Variants in NOL4L observed in about 807,000 individuals in gnomAD.
NOL4L encodes the protein nucleolar protein 4 like.
A neutral mutation model predicts 64.5 loss-of-function variants in NOL4L; 7 were observed. That is an observed-to-expected ratio of 0.11 (90% CI 0.06 to 0.20). The LOEUF (loss-of-function observed/expected upper bound fraction) is 0.20, where lower values mean the gene tolerates loss of function less well. Among genes scored for constraint, NOL4L ranks in the 10% least tolerant of loss-of-function variants. NOL4L has a pLI of 1.00. For missense variants in NOL4L, 680 were observed against 967.1 expected (o/e 0.70, Z 3.94); for synonymous variants, 413 against 401.0 (o/e 1.03, Z -0.36).
intron 4 of NOL4L, among the ~76,000 whole-genome samples, chr20:32,500,838 C>T (rs2145537072): frequency 6.6e-6 from 1 of 152,226 alleles, no homozygotes; most frequent in East Asian, 1.9e-4. Flanking sequence ...AAAGCTAGAA[C>T]AATTTGTACA....
In NOL4L at chr20:32,494,252, G is replaced by GAAAAA. The variant is rs1568654908; in HGVS notation, c.699+17094_699+17095insTTTTT. Among the ~76,000 whole-genome samples the GAAAAA allele has an allele frequency of 4.4e-4, 12 of 27,096 alleles. 2 individuals are homozygous for GAAAAA. Among genetic ancestry groups the GAAAAA allele is most frequent in the African/African-American group, 1.7e-3 (11 of 6,484 alleles). 17.8% of individuals were successfully genotyped at this position (27,096 alleles called of 152,430 possible). On this transcript the variant is annotated intron_variant, in intron 4 of 10. Coordinates refer to ENST00000621426, the MANE Select transcript of NOL4L (RefSeq NM_001256798.2). Reference sequence around the variant, plus strand: ...TGGGCCACAGAGTGAGATAATCTCGGGAAAAAAAAAAAAAAAAAAAAAAAA... The same window carrying GAAAAA: ...TGGGCCACAGAGTGAGATAATCTCGGAAAAAGAAAAAAAAAAAAAAAAAAAAAAAA...
chr20:32,578,411 A>G (rs1351675244), intron 1 of NOL4L, among the ~76,000 whole-genome samples: 1 of 151,952 alleles, frequency 6.6e-6, no homozygotes, highest in Non-Finnish European at 1.5e-5. Flanking sequence ...TTTGAGACAG[A>G]GTCTCCCTCT....
chr20:32,520,962 G>T, intron 2 of NOL4L, 40 bp from the exon 3 acceptor site: 2 of 1,427,754 alleles, frequency 1.4e-6, no homozygotes, highest in Non-Finnish European at 9.6e-7. Context: ...ATGGATCTGT[G>T]GGGAGGCAAC....
intron 3 of NOL4L, among the ~76,000 whole-genome samples, chr20:32,514,881 T>C (rs1208317341): frequency 2.6e-5 from 4 of 151,954 alleles, no homozygotes; most frequent in Admixed American, 6.6e-5. Flanking sequence ...TTAAGCACCA[T>C]GGTGAGTGTG....
chr20:32,501,214 A>G (rs749613873), intron 4 of NOL4L, among the ~76,000 whole-genome samples: 2 of 152,206 alleles, frequency 1.3e-5, no homozygotes, highest in Non-Finnish European at 2.9e-5. Flanking sequence ...GATGAAAATG[A>G]CACTCCATGT....
At chr20:32,499,580 A>T (rs2016834248) in intron 4 of NOL4L, among the ~76,000 whole-genome samples, 2 of 151,938 alleles carry the variant, frequency 1.3e-5, no homozygotes, top group Non-Finnish European at 2.9e-5. Flanking sequence ...CTCTACTAAA[A>T]ATGCAAAAAT....
At chr20:32,511,642 A>AT (rs113276427) in intron 3 of NOL4L, among the ~76,000 whole-genome samples, 186 bp from the exon 4 acceptor site, 47 of 150,516 alleles carry the variant, frequency 3.1e-4, no homozygotes, top group African/African-American at 5.4e-4. Flanking sequence ...TGTCAAAAAT[A>AT]TTTTTTTTTT....
At chr20:32,536,104 G>C in intron 1 of NOL4L, 3 of 985,642 alleles carry the variant, frequency 3.0e-6, no homozygotes, top group Non-Finnish European at 3.6e-6. Context: ...CCACCTCATA[G>C]GAAGTGTGTG....
intron 1 of NOL4L, among the ~76,000 whole-genome samples, chr20:32,557,024 C>T (rs1978698716): frequency 6.6e-6 from 1 of 152,176 alleles, no homozygotes; most frequent in Admixed American, 6.5e-5. Context: ...TGATCTCAGC[C>T]AAGGAACTCC....
chr20:32,501,146 C>T (rs1255378555), intron 4 of NOL4L, among the ~76,000 whole-genome samples: 1 of 152,180 alleles, frequency 6.6e-6, no homozygotes, highest in Non-Finnish European at 1.5e-5. Flanking sequence ...CAGGTGTGAT[C>T]AAGGCCAATG....
chr20:32,448,000 C>T (rs1568585408), intron 10 of NOL4L, among the ~76,000 whole-genome samples, 184 bp from the exon 11 acceptor site: 3 of 152,152 alleles, frequency 2.0e-5, no homozygotes, highest in Admixed American at 6.5e-5. Flanking sequence ...GGCCTGCGGG[C>T]GACAGGGTTC....
At chr20:32,478,056 C>T (rs974647862) in intron 4 of NOL4L, among the ~76,000 whole-genome samples, 25 of 152,188 alleles carry the variant, frequency 1.6e-4, no homozygotes, top group South Asian at 2.1e-4. Context: ...CCCAGGGGCA[C>T]GAAGCCAGCA....
chr20:32,451,975 C>T (rs2012957890), intron 10 of NOL4L, among the ~76,000 whole-genome samples: 1 of 152,218 alleles, frequency 6.6e-6, no homozygotes, highest in African/African-American at 2.4e-5. Flanking sequence ...AGTGTTGGAG[C>T]AAGCGTCACT....
chr20:32,450,552 G>C (rs2012785921), intron 10 of NOL4L: 1 of 152,340 alleles, frequency 6.6e-6, no homozygotes, highest in Admixed American at 6.5e-5. Flanking sequence ...TCATTCTCTG[G>C]CTGCTGTTTG....
intron 4 of NOL4L, chr20:32,486,915 C>T (rs2016112177): frequency 2.6e-6 from 1 of 380,698 alleles, no homozygotes; most frequent in South Asian, 2.0e-5. Context: ...CACAACACAA[C>T]AGTCTTGGAC....
chr20:32,496,657 T>G (rs949940163), intron 4 of NOL4L, among the ~76,000 whole-genome samples: 10 of 152,224 alleles, frequency 6.6e-5, no homozygotes, highest in Non-Finnish European at 1.3e-4. Context: ...TTCAAGTGAT[T>G]CTTCTGCCTC....
intron 4 of NOL4L, chr20:32,483,373 G>T: frequency 1.0e-6 from 1 of 984,874 alleles, no homozygotes; most frequent in Non-Finnish European, 1.2e-6. Flanking sequence ...TGGGCTGGAA[G>T]CGAGGCGGAG....
intron 4 of NOL4L, among the ~76,000 whole-genome samples, chr20:32,477,137 G>A (rs552960747): frequency 6.6e-6 from 1 of 152,312 alleles, no homozygotes; most frequent in Admixed American, 6.5e-5. Context: ...CGCACACTCT[G>A]GCCTCTCTCA....
At chr20:32,481,894 A>G (rs1428730038) in intron 4 of NOL4L, among the ~76,000 whole-genome samples, 1 of 138,474 alleles carries the variant, frequency 7.2e-6, no homozygotes, top group Non-Finnish European at 1.5e-5. Flanking sequence ...CTCTCCCCAG[A>G]AGAGCCATGA....
Sources: gnomAD v4.1 joint callset for allele counts (sites outside exome capture counted in the v4.1 genomes callset) on GRCh38, gnomAD v4.1.1 for gene constraint, MANE v1.5 for transcripts, NCBI Gene and HGNC (gene_info 2026-07-23, HGNC 2026-07-21) for gene names.